The following PRR16 variants were observed in gnomAD, a reference collection of about 807,000 sequenced individuals.
PRR16 encodes the protein proline rich 16.
Under a neutral mutation model 18.2 loss-of-function variants are expected in PRR16, and 6 were observed. The observed-to-expected ratio is 0.33, with a 90% CI of 0.18 to 0.65. The LOEUF (loss-of-function observed/expected upper bound fraction) is 0.65, where lower values mean the gene tolerates loss of function less well. PRR16 is among the 30% of genes least tolerant of loss of function. PRR16 has a pLI of 0.74. For missense variants in PRR16, 412 were observed against 376.6 expected (o/e 1.09, Z -0.78); for synonymous variants, 151 against 147.8 (o/e 1.02, Z -0.16).
chr5:120,704,178 T>G, the PRR16 span, among the ~76,000 whole-genome samples: 1 of 152,098 alleles, frequency 6.6e-6, no homozygotes, highest in Non-Finnish European at 1.5e-5. Context: ...AACAAAAATT[T>G]TGTTGGTGGT....
intron 1 of PRR16, among the ~76,000 whole-genome samples, chr5:120,564,032 C>G (rs1392348265): frequency 6.6e-6 from 1 of 152,078 alleles, no homozygotes; most frequent in Non-Finnish European, 1.5e-5. Flanking sequence ...CAGGGTGTGT[C>G]TGGAAATCTC....
At chr5:120,792,174 ATATAC>A in the PRR16 span, among the ~76,000 whole-genome samples, 4 of 152,192 alleles carry the variant, frequency 2.6e-5, no homozygotes, top group African/African-American at 9.6e-5. Context: ...TATTTTGTGC[ATATAC>A]TCAGTGATAA....
At chr5:120,524,375 CTAATGT>C (rs1176774659) in intron 1 of PRR16, among the ~76,000 whole-genome samples, 1 of 152,082 alleles carries the variant, frequency 6.6e-6, no homozygotes, top group Non-Finnish European at 1.5e-5. Flanking sequence ...TATAACATAT[CTAATGT>C]ACAAGCTACA....
chr5:120,557,277 A>G (rs576489224), intron 1 of PRR16, among the ~76,000 whole-genome samples: 82 of 152,056 alleles, frequency 5.4e-4, no homozygotes, highest in Middle Eastern at 3.4e-3. Context: ...GTAATTGTAA[A>G]ATTGAAATTC....
the PRR16 span, among the ~76,000 whole-genome samples, chr5:120,768,711 T>G: frequency 2.0e-5 from 3 of 151,790 alleles, no homozygotes; most frequent in Non-Finnish European, 4.4e-5. Context: ...TTACATTTCT[T>G]AAGACTTTGA....
At chr5:120,744,977 T>G in the PRR16 span, among the ~76,000 whole-genome samples, 1 of 152,128 alleles carries the variant, frequency 6.6e-6, no homozygotes, top group African/African-American at 2.4e-5. Context: ...GATCTTCAGG[T>G]TTCAAGGAAC....
At chr5:120,654,581 A>G (rs1755903471) in intron 1 of PRR16, among the ~76,000 whole-genome samples, 1 of 151,964 alleles carries the variant, frequency 6.6e-6, no homozygotes, top group Admixed American at 6.6e-5. Flanking sequence ...TTCCATCTCC[A>G]TTGATTCAGG....
chr5:120,748,118 G>T, the PRR16 span, among the ~76,000 whole-genome samples: 1 of 152,010 alleles, frequency 6.6e-6, no homozygotes. Context: ...AAATTTCCAG[G>T]ATAGATGGGA....
At chr5:120,621,312 T>G (rs1580796973) in intron 1 of PRR16, among the ~76,000 whole-genome samples, 2 of 152,254 alleles carry the variant, frequency 1.3e-5, no homozygotes, top group Non-Finnish European at 2.9e-5. Context: ...CACCTGGGCT[T>G]CTTCCTGCTG....
At chr5:120,777,973 A>G in the PRR16 span, among the ~76,000 whole-genome samples, 4 of 152,124 alleles carry the variant, frequency 2.6e-5, no homozygotes, top group African/African-American at 9.6e-5. Flanking sequence ...GGAAGTTATT[A>G]TATTTAATTC....
chr5:120,554,880 A>G (rs1752362040), intron 1 of PRR16, among the ~76,000 whole-genome samples: 1 of 151,926 alleles, frequency 6.6e-6, no homozygotes, highest in African/African-American at 2.4e-5. Context: ...ACACAGCAGA[A>G]GCAGCTACAG....
chr5:120,750,949 C>T, the PRR16 span, among the ~76,000 whole-genome samples: 1 of 152,154 alleles, frequency 6.6e-6, no homozygotes, highest in Non-Finnish European at 1.5e-5. Flanking sequence ...CTCCCTACCA[C>T]ATTTTCCAGC....
chr5:120,686,815 C>A lies in PRR16; in HGVS notation c.*106C>A. On this transcript the variant is annotated 3_prime_UTR_variant, in exon 2 of 2. Coordinates refer to ENST00000407149, the MANE Select transcript of PRR16 (RefSeq NM_001300783.2). ...AATAAAAAGCCCAAATATATTAATC[C>A]TGCATTCAGCAAAGTGGCATAAAAA... The A allele has an allele frequency of 1.1e-6, 1 of 935,998 alleles. No homozygotes were observed. Among genetic ancestry groups the A allele is most frequent in the Non-Finnish European group, 1.5e-6 (1 of 686,640 alleles). The allele number at this position is 935,998 out of a possible 1,614,324, so 58.0% of individuals were successfully genotyped here.
chr5:120,558,179 C>G (rs562666443), intron 1 of PRR16, among the ~76,000 whole-genome samples: 23 of 151,834 alleles, frequency 1.5e-4, no homozygotes, highest in Admixed American at 3.9e-4. Context: ...TTTAAATGTG[C>G]AATTTTAAAT....
chr5:120,531,941 A>G (rs780255586), intron 1 of PRR16, among the ~76,000 whole-genome samples: 12 of 152,206 alleles, frequency 7.9e-5, no homozygotes, highest in Admixed American at 3.3e-4. Flanking sequence ...GAAGACAATG[A>G]TATCCAACTT....
chr5:120,672,533 G>C (rs1756644943), intron 1 of PRR16, among the ~76,000 whole-genome samples: 1 of 60,846 alleles, frequency 1.6e-5, no homozygotes, highest in East Asian at 7.4e-4. Context: ...TTATGTTATA[G>C]ATATATATGT....
intron 1 of PRR16, among the ~76,000 whole-genome samples, chr5:120,650,226 AG>A: frequency 6.6e-6 from 1 of 151,760 alleles, no homozygotes; most frequent in African/African-American, 2.4e-5. Context: ...AAAAAAAAAA[AG>A]AAAAAGAAAG....
chr5:120,582,374 G>C (rs140024492), intron 1 of PRR16, among the ~76,000 whole-genome samples: 8 of 151,934 alleles, frequency 5.3e-5, no homozygotes, highest in African/African-American at 7.3e-5. Context: ...TGGGTGAAAG[G>C]TACACTAGAA....
At chr5:120,649,974 T>G (rs1755719059) in intron 1 of PRR16, among the ~76,000 whole-genome samples, 1 of 151,992 alleles carries the variant, frequency 6.6e-6, no homozygotes, top group Non-Finnish European at 1.5e-5. Context: ...AATCAGAAAC[T>G]AGTGGGAGGC....
Sources: allele counts gnomAD v4.1 joint callset (sites outside exome capture counted in the v4.1 genomes callset), GRCh38; gene constraint gnomAD v4.1.1; transcripts MANE v1.5; gene names NCBI Gene and HGNC (gene_info 2026-07-23, HGNC 2026-07-21).